The following ZBBX variants were observed in gnomAD, a reference collection of about 807,000 sequenced individuals.
The protein encoded by ZBBX is zinc finger B-box domain-containing protein 1.
Under a neutral mutation model 108.5 loss-of-function variants are expected in ZBBX, and 101 were observed. That is an observed-to-expected ratio of 0.93 (90% CI 0.79 to 1.10). ZBBX has a LOEUF of 1.10. Among genes scored for constraint, ZBBX ranks in the 50% least tolerant of loss-of-function variants. The pLI is 0.00. For synonymous variants in ZBBX, 356 were observed against 323.4 expected (o/e 1.10, Z -1.08); for missense variants, 1,009 against 941.4 (o/e 1.07, Z -0.94).
chr3:167,377,879 T>G (rs550331951), intron 2 of ZBBX, among the ~76,000 whole-genome samples: 27 of 152,272 alleles, frequency 1.8e-4, no homozygotes, highest in Non-Finnish European at 3.8e-4. Flanking sequence ...ATCCCCATAA[T>G]TCCCACATGT....
the ZBBX span, among the ~76,000 whole-genome samples, chr3:167,197,746 G>T: frequency 1.3e-5 from 2 of 152,088 alleles, no homozygotes; most frequent in Non-Finnish European, 2.9e-5. Flanking sequence ...AAAAAATTAA[G>T]TTGTTATTAA....
At chr3:167,240,980 A>T in intron 21 of ZBBX, 61 bp from the exon 22 acceptor site, 1 of 1,579,546 alleles carries the variant, frequency 6.3e-7, no homozygotes, top group Non-Finnish European at 8.6e-7. Context: ...CTCTTCATTT[A>T]TCTTCTGATC....
intron 9 of ZBBX, among the ~76,000 whole-genome samples, chr3:167,346,846 A>T (rs1741548913): frequency 6.6e-6 from 1 of 151,976 alleles, no homozygotes; most frequent in African/African-American, 2.4e-5. Flanking sequence ...ACAAAAAAGC[A>T]TGTTGACTGA....
chr3:167,289,875 C>A (rs887195111), intron 18 of ZBBX, among the ~76,000 whole-genome samples: 3 of 152,002 alleles, frequency 2.0e-5, no homozygotes, highest in African/African-American at 7.3e-5. Flanking sequence ...CTGAGCTCAA[C>A]CTGGGATGCT....
At chr3:167,199,755 T>C in the ZBBX span, among the ~76,000 whole-genome samples, 2 of 152,178 alleles carry the variant, frequency 1.3e-5, no homozygotes, top group African/African-American at 2.4e-5. Context: ...TTTTAGGAGA[T>C]TGAAGATATC....
At chr3:167,240,962 G>C in intron 21 of ZBBX, 43 bp from the exon 22 acceptor site, 2 of 1,598,216 alleles carry the variant, frequency 1.3e-6, no homozygotes, top group Middle Eastern at 1.7e-4. Flanking sequence ...TACAGAACCG[G>C]GTTTCAACTC....
At chr3:167,335,809 A>T (rs1001590673) in intron 9 of ZBBX, among the ~76,000 whole-genome samples, 19 of 151,946 alleles carry the variant, frequency 1.3e-4, no homozygotes, top group Admixed American at 7.2e-4. Context: ...AACGTGACCT[A>T]TGCATATATA....
rs368002525 is a variant in ZBBX, at chr3:167,252,717, T to C, written c.2255-10074A>G. ...GCTTGCTTTTGTATATAAAAAGTTA[T>C]GTGTTCTAGTGAAAATACTGATGTT... On this transcript the variant is annotated intron_variant, in intron 20 of 21. Transcript: ENST00000675490. Among the ~76,000 whole-genome samples, 10 of 152,338 alleles carry C rather than the reference T, an allele frequency of 6.6e-5. No individual in the cohort carries two copies. In the South Asian group the frequency reaches 1.7e-3, roughly 25 times the overall value.
chr3:167,238,446 T>C (rs957650339), downstream of ZBBX, among the ~76,000 whole-genome samples: 3 of 152,078 alleles, frequency 2.0e-5, no homozygotes, highest in Non-Finnish European at 4.4e-5. Flanking sequence ...AGGATGCATT[T>C]TTATATTAAA....
downstream of ZBBX, among the ~76,000 whole-genome samples, chr3:167,239,041 G>C (rs1216892680): frequency 2.0e-5 from 3 of 151,970 alleles, no homozygotes; most frequent in African/African-American, 7.2e-5. Flanking sequence ...TAGAAAAACA[G>C]AGATTTTCAA....
At chr3:167,241,685 A>G (rs1177360431) in intron 21 of ZBBX, among the ~76,000 whole-genome samples, 1 of 152,156 alleles carries the variant, frequency 6.6e-6, no homozygotes, top group East Asian at 1.9e-4. Flanking sequence ...TTTCAGACCT[A>G]CCTAGGCAAC....
chr3:167,200,369 A>G, the ZBBX span, among the ~76,000 whole-genome samples: 1 of 152,150 alleles, frequency 6.6e-6, no homozygotes, highest in African/African-American at 2.4e-5. Flanking sequence ...ACTAGGTGTC[A>G]GGTATTTTTA....
intron 20 of ZBBX, among the ~76,000 whole-genome samples, chr3:167,261,775 CAA>C (rs60045904): frequency 0.37 from 35,827 of 95,930 alleles, 5,814 homozygotes; most frequent in Non-Finnish European, 0.4. Flanking sequence ...CTCCCAACTG[CAA>C]AAAAAAAAAA....
At chr3:167,265,463 C>T (rs1725296518) in intron 20 of ZBBX, among the ~76,000 whole-genome samples, 1 of 152,196 alleles carries the variant, frequency 6.6e-6, no homozygotes, top group Non-Finnish European at 1.5e-5. Context: ...AGAAGCAAGA[C>T]AAAGCCCTCC....
chr3:167,325,286 C>T (rs1737154385), intron 11 of ZBBX, among the ~76,000 whole-genome samples: 1 of 152,092 alleles, frequency 6.6e-6, no homozygotes. Context: ...CATAGTTCCA[C>T]ATGGCTGGGG....
chr3:167,407,088 T>C (rs1748607975), intron 1 of ZBBX, among the ~76,000 whole-genome samples: 1 of 152,076 alleles, frequency 6.6e-6, no homozygotes, highest in African/African-American at 2.4e-5. Context: ...CCCAGTCTGC[T>C]GGGTGGCGCC....
the ZBBX span, among the ~76,000 whole-genome samples, chr3:167,182,174 G>C: frequency 3.0e-4 from 46 of 152,184 alleles, no homozygotes; most frequent in Admixed American, 2.0e-3. Flanking sequence ...GTTAAAACAA[G>C]CTCCAGGAAA....
intron 4 of ZBBX, among the ~76,000 whole-genome samples, chr3:167,369,559 A>G (rs1191250234): frequency 1.3e-5 from 2 of 152,236 alleles, no homozygotes; most frequent in Admixed American, 1.3e-4. Context: ...TTTGCATTGT[A>G]TCTACTCCAC....
chr3:167,210,815 C>T, the ZBBX span, among the ~76,000 whole-genome samples: 1 of 152,036 alleles, frequency 6.6e-6, no homozygotes, highest in Non-Finnish European at 1.5e-5. Flanking sequence ...ATACTATATT[C>T]AATAAAAATA....
Sources: gnomAD v4.1 joint callset for allele counts (sites outside exome capture counted in the v4.1 genomes callset) on GRCh38, gnomAD v4.1.1 for gene constraint, MANE v1.5 for transcripts, NCBI Gene and HGNC (gene_info 2026-07-23, HGNC 2026-07-21) for gene names.